Variants in SKAP2 observed in about 807,000 individuals in gnomAD.
SKAP2 encodes src kinase associated phosphoprotein 2.
In SKAP2, 28 loss-of-function variants were observed where a neutral mutation model predicts 54.9. The ratio of observed to expected loss-of-function variants is 0.51; its 90% CI spans 0.38 to 0.70. The LOEUF is 0.70. SKAP2 is among the 30% of genes least tolerant of loss of function. The pLI is 0.00. For missense variants in SKAP2, 356 were observed against 424.1 expected (o/e 0.84, Z 1.41); for synonymous variants, 137 against 134.3 (o/e 1.02, Z -0.14).
At chr7:26,853,104 C>T (rs1168867292) in intron 3 of SKAP2, among the ~76,000 whole-genome samples, 2 of 152,096 alleles carry the variant, frequency 1.3e-5, no homozygotes, top group African/African-American at 4.8e-5. Context: ...TCCCTTCAAT[C>T]ATACCAATCT....
intron 4 of SKAP2, among the ~76,000 whole-genome samples, chr7:26,781,729 G>C (rs893035566): frequency 6.6e-6 from 1 of 152,072 alleles, no homozygotes; most frequent in Non-Finnish European, 1.5e-5. Flanking sequence ...CAAGACCTAC[G>C]ATCTGACCTC....
At chr7:26,839,586 A>G (rs1784780150) in intron 4 of SKAP2, among the ~76,000 whole-genome samples, 1 of 152,126 alleles carries the variant, frequency 6.6e-6, no homozygotes, top group Non-Finnish European at 1.5e-5. Context: ...CTAAATGCTA[A>G]GTTATTGAAA....
intron 9 of SKAP2, among the ~76,000 whole-genome samples, chr7:26,690,947 T>C (rs6968420): frequency 0.016 from 2,414 of 152,308 alleles, 63 homozygotes; most frequent in African/African-American, 0.055. Context: ...GAAGATACTA[T>C]AATGATCTTC....
intron 4 of SKAP2, among the ~76,000 whole-genome samples, chr7:26,767,074 T>C (rs1327891280): frequency 3.3e-5 from 5 of 152,218 alleles, no homozygotes; most frequent in African/African-American, 4.8e-5. Flanking sequence ...TCTGGTACAA[T>C]TCGCCTGTGA....
At chr7:26,695,684 C>T (rs567787754) in intron 9 of SKAP2, among the ~76,000 whole-genome samples, 22 of 152,310 alleles carry the variant, frequency 1.4e-4, no homozygotes, top group Non-Finnish European at 2.5e-4. Flanking sequence ...ATCATAGCAT[C>T]GTATCTGAAG....
At chr7:26,701,408 T>C (rs1265543724) in intron 9 of SKAP2, among the ~76,000 whole-genome samples, 1 of 152,220 alleles carries the variant, frequency 6.6e-6, no homozygotes, top group Non-Finnish European at 1.5e-5. Context: ...GTTATTCAGC[T>C]ATTTCAATTG....
At chr7:26,780,015 AAATAT>A (rs1460358190) in intron 4 of SKAP2, among the ~76,000 whole-genome samples, 1 of 152,054 alleles carries the variant, frequency 6.6e-6, no homozygotes, top group East Asian at 1.9e-4. Context: ...CTGACTCAAG[AAATAT>A]AATATATTCA....
At chr7:26,735,046 AC>A (rs1249306654) in intron 6 of SKAP2, among the ~76,000 whole-genome samples, 2 of 152,038 alleles carry the variant, frequency 1.3e-5, no homozygotes, top group East Asian at 3.9e-4. Flanking sequence ...TATTTAAATT[AC>A]TTACTGTACT....
chr7:26,752,053 A>G (rs190122886), intron 4 of SKAP2, among the ~76,000 whole-genome samples: 1 of 152,270 alleles, frequency 6.6e-6, no homozygotes, highest in Admixed American at 6.5e-5. Flanking sequence ...CTGTGTCACT[A>G]TTTCAATATT....
chr7:26,797,436 C>T (rs1284155385), intron 4 of SKAP2, among the ~76,000 whole-genome samples: 2 of 152,176 alleles, frequency 1.3e-5, no homozygotes, highest in Admixed American at 6.5e-5. Flanking sequence ...AGAATTCTCC[C>T]GGATCTTGTC....
intron 1 of SKAP2, among the ~76,000 whole-genome samples, chr7:26,862,075 G>T (rs973654090): frequency 1.3e-5 from 2 of 151,800 alleles, no homozygotes; most frequent in Non-Finnish European, 2.9e-5. Flanking sequence ...GACTAAATAA[G>T]CCAGCAATAT....
At chr7:26,827,352 C>T (rs1238979867) in intron 4 of SKAP2, among the ~76,000 whole-genome samples, 1 of 152,082 alleles carries the variant, frequency 6.6e-6, no homozygotes, top group Non-Finnish European at 1.5e-5. Flanking sequence ...TCTAGATATT[C>T]CAAATGAAAA....
At chr7:26,858,647 C>T (rs1452674642) in intron 1 of SKAP2, among the ~76,000 whole-genome samples, 2 of 152,102 alleles carry the variant, frequency 1.3e-5, no homozygotes, top group African/African-American at 2.4e-5. Flanking sequence ...AACAGCCACC[C>T]CACCTTTCCC....
chr7:26,858,440 A>C (rs533689137), intron 1 of SKAP2, among the ~76,000 whole-genome samples: 5 of 152,332 alleles, frequency 3.3e-5, no homozygotes, highest in African/African-American at 1.2e-4. Context: ...GATCAGATTT[A>C]CAACTGCTCT....
chr7:26,862,116 T>C (rs920837746), intron 1 of SKAP2, among the ~76,000 whole-genome samples: 10 of 152,024 alleles, frequency 6.6e-5, no homozygotes, highest in African/African-American at 1.9e-4. Flanking sequence ...TAAATACTTC[T>C]ATAATGTTAC....
intron 4 of SKAP2, among the ~76,000 whole-genome samples, chr7:26,816,302 AT>A (rs1360291340): frequency 2.6e-5 from 4 of 152,142 alleles, no homozygotes; most frequent in Non-Finnish European, 5.9e-5. Flanking sequence ...GAAATGAAAA[AT>A]AGTTACATAT....
chr7:26,811,197 T>C (rs1784137386), intron 4 of SKAP2, among the ~76,000 whole-genome samples: 1 of 152,158 alleles, frequency 6.6e-6, no homozygotes, highest in Non-Finnish European at 1.5e-5. Flanking sequence ...AAAAAAGACC[T>C]AAATTTCTAC....
chr7:26,844,349 T>G (rs1784881709), intron 3 of SKAP2, among the ~76,000 whole-genome samples: 1 of 152,102 alleles, frequency 6.6e-6, no homozygotes. Context: ...TAGTAAGAAT[T>G]TTTGAAGGTC....
At chr7:26,815,065 C>A (rs1193253654) in intron 4 of SKAP2, among the ~76,000 whole-genome samples, 1 of 149,148 alleles carries the variant, frequency 6.7e-6, no homozygotes, top group African/African-American at 2.4e-5. Flanking sequence ...ACAGTAAAAC[C>A]ACCTATCTAC....
Sources: allele counts gnomAD v4.1 joint callset (sites outside exome capture counted in the v4.1 genomes callset), GRCh38; gene constraint gnomAD v4.1.1; transcripts MANE v1.5; gene names NCBI Gene and HGNC (gene_info 2026-07-23, HGNC 2026-07-21).